Variants in KIAA0586 observed in about 807,000 individuals in gnomAD.
KIAA0586 encodes the protein KIAA0586, also known as protein TALPID3.
KIAA0586 carries 144 observed loss-of-function variants against 169.8 expected under a neutral mutation model. The observed-to-expected ratio is 0.85, with a 90% CI of 0.74 to 0.97. The LOEUF (loss-of-function observed/expected upper bound fraction) is 0.97. KIAA0586 is among the 50% of genes least tolerant of loss of function. KIAA0586 has a pLI of 0.00. For synonymous variants in KIAA0586, 625 were observed against 612.4 expected (o/e 1.02, Z -0.30); for missense variants, 1,854 against 1,823.0 (o/e 1.02, Z -0.31).
At chr14:58,493,395 A>G (rs1190478986) in intron 26 of KIAA0586, among the ~76,000 whole-genome samples, 1 of 152,154 alleles carries the variant, frequency 6.6e-6, no homozygotes, top group African/African-American at 2.4e-5. Flanking sequence ...TTCCAGGTAG[A>G]AATATACAAC....
At chr14:58,505,754 A>C (rs1438411125) in intron 27 of KIAA0586, among the ~76,000 whole-genome samples, 1 of 151,970 alleles carries the variant, frequency 6.6e-6, no homozygotes, top group Admixed American at 6.5e-5. Context: ...TTCTTTTCCC[A>C]TCTGGGAGGT....
intron 29 of KIAA0586, 72 bp from the exon 30 acceptor site, chr14:58,539,999 G>C (rs556464150): frequency 1.1e-6 from 1 of 901,820 alleles, no homozygotes; most frequent in Non-Finnish European, 1.7e-6. Context: ...TGTTCTTTTA[G>C]TGAATAGGAA....
upstream of KIAA0586, chr14:58,427,557 G>C: frequency 4.6e-6 from 7 of 1,527,526 alleles, no homozygotes; most frequent in Non-Finnish European, 5.3e-6. Context: ...ATAAACCCCT[G>C]TTATGTCCGG....
intron 27 of KIAA0586, among the ~76,000 whole-genome samples, chr14:58,500,447 C>T (rs999687568): frequency 3.9e-5 from 6 of 152,100 alleles, no homozygotes; most frequent in Non-Finnish European, 8.8e-5. Flanking sequence ...TGGCTCACGC[C>T]TGTAATCCAG....
intron 27 of KIAA0586, among the ~76,000 whole-genome samples, chr14:58,501,346 G>C (rs1486860000): frequency 6.6e-6 from 1 of 152,202 alleles, no homozygotes; most frequent in Non-Finnish European, 1.5e-5. Flanking sequence ...GATTCAAATG[G>C]CATGAAATGT....
At chr14:58,460,429 A>G (rs914453441) in intron 13 of KIAA0586, among the ~76,000 whole-genome samples, 6 of 152,138 alleles carry the variant, frequency 3.9e-5, no homozygotes, top group African/African-American at 1.2e-4. Flanking sequence ...AGTTTAACAA[A>G]TGCATGTTTA....
rs534542684 is a variant in KIAA0586, at chr14:58,432,438, AG to A, written c.392del (p.Arg131LysfsTer4). 6,015 of 1,568,644 alleles carry A rather than the reference AG, an allele frequency of 3.8e-3. 16 individuals are homozygous for A. Among genetic ancestry groups the A allele is most frequent in the Non-Finnish European group, 4.4e-3 (5,128 of 1,156,734 alleles). ...TACAATGGGACAGAAAGATGCTCTA[AG>A]AACAGTTTTAAAGCAAAAGTAAGTT... ...QYTMGQKDAL[R>X]TVLKQKAQSM... On this transcript the variant is annotated frameshift_variant, in exon 4 of 31. Coordinates refer to ENST00000652326, the MANE Select transcript of KIAA0586 (RefSeq NM_001329943.3). LOFTEE classifies it high-confidence loss of function.
In KIAA0586 at chr14:58,466,008, AT is replaced by A; in HGVS notation, c.2235del (p.Pro746LeufsTer6). 6.2e-7 allele frequency: 1 copy of A among 1,607,294 alleles called. No homozygotes were observed. Among genetic ancestry groups the A allele is most frequent in the South Asian group, 1.1e-5 (1 of 89,354 alleles). On this transcript the variant is annotated frameshift_variant, in exon 15 of 31. Coordinates refer to ENST00000652326, the MANE Select transcript of KIAA0586 (RefSeq NM_001329943.3). LOFTEE classifies it high-confidence loss of function. ...TFSGTLEGHL[I>X]PMAILLGQTQ... The stretch of plus-strand genomic sequence containing the variant: ...TTCAGGTACATTGGAAGGTCATCTG[AT>A]TCCTATGGCAATTCTTTTAGGTAAG...
chr14:58,484,542 T>C (rs1309726167), intron 21 of KIAA0586, among the ~76,000 whole-genome samples: 2 of 151,998 alleles, frequency 1.3e-5, no homozygotes, highest in Admixed American at 6.6e-5. Context: ...CAGTTACTAA[T>C]AGTTTATCAT....
At chr14:58,478,317 T>C (rs1017884437) in intron 20 of KIAA0586, among the ~76,000 whole-genome samples, 2 of 152,196 alleles carry the variant, frequency 1.3e-5, no homozygotes, top group African/African-American at 4.8e-5. Context: ...ACCCCGTCTC[T>C]ATGAAAAATA....
chr14:58,440,946 A>G (rs2038292011), intron 4 of KIAA0586: 1 of 164,138 alleles, frequency 6.1e-6, no homozygotes, highest in Admixed American at 5.9e-5. Flanking sequence ...TATGGTTAAT[A>G]ATAATGAATT....
At chr14:58,498,702 G>C in intron 26 of KIAA0586, 81 bp from the exon 27 acceptor site, 1 of 1,236,100 alleles carries the variant, frequency 8.1e-7, no homozygotes, top group Non-Finnish European at 1.1e-6. Context: ...AAAGGGTATT[G>C]TTCATGATAT....
In KIAA0586 at chr14:58,444,094, T is replaced by C. The variant is rs1019648840; in HGVS notation, c.726T>C (p.Asp242=). The change falls in exon 6 of 31, where the codon GAT becomes GAC. Residue 242 remains aspartate (D), a synonymous_variant. Coordinates refer to ENST00000652326, the MANE Select transcript of KIAA0586 (RefSeq NM_001329943.3). Reference sequence around the variant, plus strand: ...AACAAGAGAAATTACATTGTCATGATCACGAAAAGCAAATGAATGTGTTTA... The same window carrying C: ...AACAAGAGAAATTACATTGTCATGACCACGAAAAGCAAATGAATGTGTTTA... ...QRKQEKLHCH[D]HEKQMNVFME... 6.2e-7 allele frequency: 1 copy of C among 1,613,602 alleles called. No homozygotes were observed. The highest frequency in any genetic ancestry group is 1.3e-5 in the African/African-American group (1 of 74,912).
chr14:58,543,818 C>G (rs1170415082), intron 30 of KIAA0586: 1 of 431,276 alleles, frequency 2.3e-6, no homozygotes, highest in Non-Finnish European at 4.6e-6. Flanking sequence ...CGTCTCCCGT[C>G]TCTCTATTTT....
rs1315211008 is a variant in KIAA0586 at position 58,487,940 on chromosome 14, A to G, written c.3358A>G (p.Thr1120Ala). The stretch of plus-strand genomic sequence containing the variant: ...TAATACTCCAACAGTTACCCCTACT[A>G]CTACACCTCCTCCAGCGGCGGCAGT... ...LVNTPTVTPT[T>A]TPPPAAAVFT... The change falls in exon 23 of 31, where the codon ACT becomes GCT. Residue 1120 changes from threonine to alanine, a missense_variant. Coordinates refer to ENST00000652326, the MANE Select transcript of KIAA0586 (RefSeq NM_001329943.3). The G allele has an allele frequency of 6.2e-7, 1 of 1,613,530 alleles. No individual in the cohort carries two copies. Among genetic ancestry groups the G allele is most frequent in the Non-Finnish European group, 8.5e-7 (1 of 1,179,792 alleles).
chr14:58,540,366 T>G (rs1312145722), intron 30 of KIAA0586, among the ~76,000 whole-genome samples: 1 of 152,202 alleles, frequency 6.6e-6, no homozygotes, highest in Non-Finnish European at 1.5e-5. Flanking sequence ...GTTTATAAAA[T>G]GATGAATTAA....
Position 58,457,914 on chromosome 14 carries a change from A to C in KIAA0586, c.1518A>C (p.Glu506Asp). The change falls in exon 11 of 31, where the codon GAA (glutamate) becomes GAC (aspartate). Residue 506 changes from glutamate to aspartate, a missense_variant. Coordinates refer to ENST00000652326, the MANE Select transcript of KIAA0586 (RefSeq NM_001329943.3). ...AAAAAGTACTTGAAGAAAACCTGGA[A>C]GCTATTATTCGTGCAAAAGATGGAG... ...NNKKVLEENL[E>D]AIIRAKDGAA... 1 of 1,605,950 alleles carries C rather than the reference A, an allele frequency of 6.2e-7. No homozygotes were observed. The highest frequency in any genetic ancestry group is 1.1e-5 in the South Asian group (1 of 89,434).
At position 58,528,137 on chromosome 14, in the gene KIAA0586, G is replaced by T. The variant is rs553656944; in HGVS notation, c.4430-11934G>T. ...ATTACGTAATGGTAAAGGGATCAAT[G>T]CGACAAGAAGAGCTAACTATCCTAA... On this transcript the variant is annotated intron_variant, in intron 29 of 30. Coordinates refer to ENST00000652326, the MANE Select transcript of KIAA0586 (RefSeq NM_001329943.3). 1.2e-4 allele frequency among the ~76,000 whole-genome samples: 18 copies of T among 152,232 alleles called. No homozygotes were observed. The East Asian group carries it at 3.1e-3, about 26-fold the overall frequency.
chr14:58,465,731 A>AT, intron 14 of KIAA0586, 104 bp from the exon 15 acceptor site: 1 of 699,154 alleles, frequency 1.4e-6, no homozygotes, highest in East Asian at 2.9e-5. Context: ...GTAACCTTAT[A>AT]TAGAATTAAG....
Sources: gnomAD v4.1 joint callset for allele counts (sites outside exome capture counted in the v4.1 genomes callset) on GRCh38, gnomAD v4.1.1 for gene constraint, MANE v1.5 for transcripts, NCBI Gene and HGNC (gene_info 2026-07-23, HGNC 2026-07-21) for gene names.